The following UTRN variants were observed in gnomAD, a reference collection of about 807,000 sequenced individuals.
UTRN encodes the protein dystrophin-related protein 1.
UTRN carries 283 observed loss-of-function variants against 463.9 expected under a neutral mutation model. The observed-to-expected ratio is 0.61, with a 90% CI of 0.55 to 0.67. UTRN has a LOEUF of 0.67. UTRN is among the 30% of genes least tolerant of loss of function. The pLI is 0.00. For synonymous variants in UTRN, 1,442 were observed against 1,431.5 expected (o/e 1.01, Z -0.17); for missense variants, 3,922 against 4,084.3 (o/e 0.96, Z 1.08).
chr6:144,438,324 A>G (rs1236120295), intron 11 of UTRN, among the ~76,000 whole-genome samples: 1 of 152,228 alleles, frequency 6.6e-6, no homozygotes, highest in Non-Finnish European at 1.5e-5. Flanking sequence ...AAGATTAGCT[A>G]AACATTAACT....
rs1017730353 is a variant in UTRN at position 144,556,705 on chromosome 6, G to A, written c.7135-452G>A. 2.6e-5 allele frequency among the ~76,000 whole-genome samples: 4 copies of A among 152,234 alleles called. No homozygotes were observed. In the South Asian group the frequency reaches 6.2e-4, roughly 24 times the overall value. On this transcript the variant is annotated intron_variant, in intron 49 of 74. Coordinates refer to ENST00000367545, the MANE Select transcript of UTRN (RefSeq NM_007124.3). Reference sequence around the variant, plus strand: ...GCTTGGCAGCTTGATCCATTCAAGTGGTTATCTTTGTAAACACACCTTGTG... The same window carrying A: ...GCTTGGCAGCTTGATCCATTCAAGTAGTTATCTTTGTAAACACACCTTGTG...
intron 41 of UTRN, 137 bp from the exon 42 acceptor site, chr6:144,530,915 G>T: frequency 1.0e-6 from 1 of 993,584 alleles, no homozygotes; most frequent in Non-Finnish European, 1.4e-6. Flanking sequence ...AATTGGTTTT[G>T]TGGAGCAATA....
chr6:144,400,960 A>G (rs1359019970), intron 2 of UTRN, among the ~76,000 whole-genome samples: 1 of 152,234 alleles, frequency 6.6e-6, no homozygotes, highest in Non-Finnish European at 1.5e-5. Context: ...ATAGGGTAAT[A>G]GTGCTCATTT....
chr6:144,367,497 A>C (rs1779614932), intron 2 of UTRN, among the ~76,000 whole-genome samples: 1 of 151,972 alleles, frequency 6.6e-6, no homozygotes. Context: ...ATAATATCTA[A>C]ATTATTTAGA....
At chr6:144,467,347 C>T (rs1049953346) in intron 23 of UTRN, among the ~76,000 whole-genome samples, 12 of 152,228 alleles carry the variant, frequency 7.9e-5, no homozygotes, top group Non-Finnish European at 1.3e-4. Flanking sequence ...AATGACCCAT[C>T]TCAGGCCGTC....
intron 3 of UTRN, among the ~76,000 whole-genome samples, chr6:144,414,587 G>A (rs1322432933): frequency 1.3e-5 from 2 of 152,058 alleles, no homozygotes; most frequent in African/African-American, 2.4e-5. Flanking sequence ...AGTGTACAGT[G>A]TTTATAAGGT....
intron 53 of UTRN, among the ~76,000 whole-genome samples, chr6:144,722,115 A>T (rs1383472552): frequency 6.6e-6 from 1 of 152,028 alleles, no homozygotes. Context: ...TCTCCCATCA[A>T]CCACAAGGAC....
chr6:144,808,279 A>AG (rs1778320629), intron 65 of UTRN, among the ~76,000 whole-genome samples: 2 of 113,264 alleles, frequency 1.8e-5, no homozygotes, highest in African/African-American at 1.2e-4. Flanking sequence ...GAGAGTAGTC[A>AG]ATTTTTTTTT....
chr6:144,575,392 G>A (rs145948577), intron 50 of UTRN, among the ~76,000 whole-genome samples: 14 of 152,170 alleles, frequency 9.2e-5, no homozygotes, highest in African/African-American at 3.1e-4. Flanking sequence ...ATAGAAGGAC[G>A]GATGGATGGA....
Position 144,774,813 on chromosome 6 carries a change from T to C in UTRN, c.8632+449T>C, listed in dbSNP as rs141419112. On this transcript the variant is annotated intron_variant, in intron 60 of 74. Coordinates refer to ENST00000367545, the MANE Select transcript of UTRN (RefSeq NM_007124.3). Reference sequence around the variant, plus strand: ...CACCTTAACAAGTGAGATAAAAGGCTCTATTTTCTTTTAAATATATCTTGA... The same window carrying C: ...CACCTTAACAAGTGAGATAAAAGGCCCTATTTTCTTTTAAATATATCTTGA... 1.7e-3 allele frequency among the ~76,000 whole-genome samples: 257 copies of C among 152,336 alleles called. 5 individuals carry two copies. The East Asian group carries it at 0.039, about 23-fold the overall frequency.
intron 3 of UTRN, among the ~76,000 whole-genome samples, chr6:144,413,975 T>G (rs1285243636): frequency 6.6e-6 from 1 of 152,038 alleles, no homozygotes; most frequent in Non-Finnish European, 1.5e-5. Flanking sequence ...GGCTAATTTT[T>G]GTATTTTTAG....
At chr6:144,476,286 G>A (rs1162641388) in intron 25 of UTRN, among the ~76,000 whole-genome samples, 1 of 151,612 alleles carries the variant, frequency 6.6e-6, no homozygotes, top group African/African-American at 2.4e-5. Context: ...AGTTTGCTCT[G>A]GGAAGGCAGG....
chr6:144,776,540 CAT>C (rs1775341483), intron 60 of UTRN, among the ~76,000 whole-genome samples: 1 of 152,144 alleles, frequency 6.6e-6, no homozygotes, highest in African/African-American at 2.4e-5. Context: ...TGAAGGAACT[CAT>C]ATTTCGAGAA....
intron 51 of UTRN, among the ~76,000 whole-genome samples, chr6:144,614,884 T>C (rs767208290): frequency 4.3e-4 from 65 of 152,122 alleles, no homozygotes; most frequent in Admixed American, 7.2e-4. Flanking sequence ...TAGAAGCAAT[T>C]CCTGACCTTA....
intron 27 of UTRN, among the ~76,000 whole-genome samples, chr6:144,483,331 T>C (rs1284256114): frequency 6.6e-6 from 1 of 152,118 alleles, no homozygotes; most frequent in African/African-American, 2.4e-5. Context: ...AGAAAAGAGG[T>C]TGTGCTTGCA....
chr6:144,423,627 G>A lies in UTRN; in HGVS notation c.312+1G>A, dbSNP rs1584726509. The A allele has an allele frequency of 6.2e-7, 1 of 1,614,084 alleles. No individual in the cohort carries two copies. Among genetic ancestry groups the A allele is most frequent in the South Asian group, 1.1e-5 (1 of 91,094 alleles). On this transcript the variant is annotated splice_donor_variant, in intron 5 of 74. Coordinates refer to ENST00000367545, the MANE Select transcript of UTRN (RefSeq NM_007124.3). LOFTEE classifies it high-confidence loss of function. ...GCTGCAGGTTTTACATCAGAACAATGTAAGTGTGTAATGTGAGTTCTGGGG... is the reference window on the plus strand; with the variant it reads ...GCTGCAGGTTTTACATCAGAACAATATAAGTGTGTAATGTGAGTTCTGGGG...
intron 2 of UTRN, among the ~76,000 whole-genome samples, chr6:144,390,767 A>G (rs953218592): frequency 7.2e-5 from 11 of 152,156 alleles, no homozygotes; most frequent in Admixed American, 1.3e-4. Context: ...ATCCCCATCA[A>G]GACATATTTG....
intron 53 of UTRN, among the ~76,000 whole-genome samples, chr6:144,710,762 G>A (rs1785597299): frequency 6.6e-6 from 1 of 152,002 alleles, no homozygotes; most frequent in Admixed American, 6.6e-5. Context: ...AAACTATATA[G>A]GCTACATGAG....
intron 33 of UTRN, among the ~76,000 whole-genome samples, chr6:144,495,812 A>G (rs892193647): frequency 1.3e-5 from 2 of 152,142 alleles, no homozygotes; most frequent in South Asian, 2.1e-4. Context: ...AACATGTAAG[A>G]TTTTTCTAAG....
Sources: gnomAD v4.1 joint callset for allele counts (sites outside exome capture counted in the v4.1 genomes callset) on GRCh38, gnomAD v4.1.1 for gene constraint, MANE v1.5 for transcripts, NCBI Gene and HGNC (gene_info 2026-07-23, HGNC 2026-07-21) for gene names.